Variants in ANK1 observed in about 807,000 individuals in gnomAD.
ANK1 encodes ankyrin 1, also known as ankyrin-1.
ANK1 carries 51 observed loss-of-function variants against 210.4 expected under a neutral mutation model. That is an observed-to-expected ratio of 0.24 (90% CI 0.19 to 0.31). The LOEUF (loss-of-function observed/expected upper bound fraction) is 0.31. ANK1 is among the 10% of genes least tolerant of loss of function. The pLI is 1.00. For missense variants in ANK1, 2,051 were observed against 2,504.4 expected (o/e 0.82, Z 3.86); for synonymous variants, 967 against 1,025.9 (o/e 0.94, Z 1.10).
chr8:41,723,251 A>G (rs867036533), intron 8 of ANK1, 28 bp from the exon 9 acceptor site: 1 of 1,611,858 alleles, frequency 6.2e-7, no homozygotes, highest in South Asian at 1.1e-5. Context: ...AAAAACAGAA[A>G]GCCCAAAAGG....
chr8:41,748,952 A>G (rs145450557), intron 2 of ANK1, among the ~76,000 whole-genome samples: 7,622 of 151,934 alleles, frequency 0.05, 218 homozygotes, highest in South Asian at 0.077. Flanking sequence ...GGAGAATGGC[A>G]TGAACCTGGG....
At chr8:41,723,696 A>T (rs1156330013) in intron 7 of ANK1, 63 bp from the exon 8 acceptor site, 5 of 1,477,568 alleles carry the variant, frequency 3.4e-6, no homozygotes, top group Non-Finnish European at 4.7e-6. Context: ...GCTGCTGTGC[A>T]CCCGCTCCCC....
At chr8:41,681,499 C>T (rs1269318215) in intron 37 of ANK1, among the ~76,000 whole-genome samples, 2 of 152,244 alleles carry the variant, frequency 1.3e-5, no homozygotes, top group African/African-American at 2.4e-5. Flanking sequence ...GAGAGACAGC[C>T]TCAGGCTTCT....
At chr8:41,762,209 T>C (rs1423914101) in intron 1 of ANK1, among the ~76,000 whole-genome samples, 1 of 152,054 alleles carries the variant, frequency 6.6e-6, no homozygotes, top group East Asian at 1.9e-4. Context: ...TGCACCTTCC[T>C]CCTCCCTGGG....
intron 2 of ANK1, among the ~76,000 whole-genome samples, chr8:41,744,830 C>T (rs1285539045): frequency 3.3e-5 from 5 of 152,254 alleles, no homozygotes; most frequent in Admixed American, 6.5e-5. Context: ...CCTCCGCGCC[C>T]GATGGGAGCA....
intron 30 of ANK1, 34 bp downstream of exon 30, chr8:41,693,071 C>T: frequency 6.4e-7 from 1 of 1,568,718 alleles, no homozygotes; most frequent in African/African-American, 1.4e-5. Context: ...GAGGACGGCC[C>T]ACACAATACT....
intron 1 of ANK1, chr8:41,829,558 C>T (rs1806189372): frequency 1.3e-5 from 2 of 152,214 alleles, no homozygotes; most frequent in Admixed American, 1.3e-4. Flanking sequence ...CTGGTATTTA[C>T]AAATTAGATT....
intron 1 of ANK1, among the ~76,000 whole-genome samples, chr8:41,812,584 A>G (rs1802655838): frequency 6.6e-6 from 1 of 152,226 alleles, no homozygotes; most frequent in Non-Finnish European, 1.5e-5. Context: ...TTTCCTTGAC[A>G]AAAAGACAGC....
intron 9 of ANK1, among the ~76,000 whole-genome samples, chr8:41,720,069 T>C (rs1828859953): frequency 6.6e-6 from 1 of 152,186 alleles, no homozygotes; most frequent in Admixed American, 6.5e-5. Flanking sequence ...TTCAAAGCCA[T>C]GTCCAGCAGA....
chr8:41,831,952 G>A (rs1391169866), intron 1 of ANK1, among the ~76,000 whole-genome samples: 1 of 152,148 alleles, frequency 6.6e-6, no homozygotes, highest in Non-Finnish European at 1.5e-5. Flanking sequence ...CCATTTAGGA[G>A]ACAATTGGGA....
intron 35 of ANK1, among the ~76,000 whole-genome samples, chr8:41,687,872 T>C (rs1389999415): frequency 6.6e-6 from 1 of 152,214 alleles, no homozygotes; most frequent in African/African-American, 2.4e-5. Context: ...GCGAAATATG[T>C]TGAGACTTGC....
intron 7 of ANK1, among the ~76,000 whole-genome samples, 176 bp downstream of exon 7, chr8:41,724,280 G>A (rs931347492): frequency 6.6e-6 from 1 of 152,202 alleles, no homozygotes. Context: ...AGACAAAGCA[G>A]GTGGAAACTG....
intron 1 of ANK1, among the ~76,000 whole-genome samples, chr8:41,805,084 C>CGTGT (rs888671837): frequency 2.2e-5 from 3 of 133,966 alleles, no homozygotes; most frequent in Non-Finnish European, 4.9e-5. Flanking sequence ...GTGTGTGTGT[C>CGTGT]GTGTGTGTGT....
At chr8:41,771,264 A>C (rs1205144335) in intron 1 of ANK1, among the ~76,000 whole-genome samples, 2 of 152,098 alleles carry the variant, frequency 1.3e-5, no homozygotes, top group African/African-American at 4.8e-5. Context: ...GAAAAAAAAA[A>C]CCTCAACATT....
At chr8:41,665,271 G>C (rs1265213164) in intron 39 of ANK1, 4 of 1,495,576 alleles carry the variant, frequency 2.7e-6, no homozygotes. Flanking sequence ...GCTCTGCCCT[G>C]AGTGGCCCGG....
chr8:41,853,186 T>C (rs1388244565), intron 1 of ANK1, among the ~76,000 whole-genome samples: 1 of 152,226 alleles, frequency 6.6e-6, no homozygotes, highest in Non-Finnish European at 1.5e-5. Context: ...GGAACACAAC[T>C]ATTGTCAATT....
intron 2 of ANK1, among the ~76,000 whole-genome samples, chr8:41,752,179 A>C (rs192724393): frequency 1.3e-5 from 2 of 152,000 alleles, no homozygotes; most frequent in African/African-American, 4.8e-5. Flanking sequence ...AGTGTCTCCC[A>C]TCAGCTGACT....
rs768710686 is a variant in ANK1 at position 41,715,754 on chromosome 8, G to A, written c.1500C>T (p.Thr500=). ...LENNANPNLA[T]TAGHTPLHIA... ...TGTGCAGGGGGGTGTGCCCGGCGGTGGTGGCCAGGTTGGGGTTGGCGTTAT... is the reference window on the plus strand; with the variant it reads ...TGTGCAGGGGGGTGTGCCCGGCGGTAGTGGCCAGGTTGGGGTTGGCGTTAT... Residue 500 remains threonine, a synonymous_variant, in exon 14 of 43, where the codon ACC becomes ACT. Coordinates refer to ENST00000289734, the MANE Select transcript of ANK1 (RefSeq NM_000037.4). 1 of 1,614,252 alleles carries A rather than the reference G, an allele frequency of 6.2e-7. No individual in the cohort carries two copies. The highest frequency in any genetic ancestry group is 8.5e-7 in the Non-Finnish European group (1 of 1,180,048).
At position 41,653,271 on chromosome 8, in the gene ANK1, T is replaced by TC. The variant is rs1326850999; in HGVS notation, c.*2518_*2519insG. The TC allele has an allele frequency of 6.6e-6, 1 of 152,614 alleles. No individual in the cohort carries two copies. Among genetic ancestry groups the TC allele is most frequent in the Non-Finnish European group, 1.5e-5 (1 of 68,076 alleles). 9.5% of individuals were successfully genotyped at this position (152,614 alleles called of 1,614,324 possible). A position where few individuals can be genotyped will look rare whatever the true frequency, so the allele number is the denominator to read the frequency against. On this transcript the variant is annotated 3_prime_UTR_variant, in exon 43 of 43. Transcript: ENST00000289734. Reference sequence around the variant, plus strand: ...TTAATTTTGACATTGGTTCGGCTGGTGAAGGGAGAATGGTCTATACATCAG... The same window carrying TC: ...TTAATTTTGACATTGGTTCGGCTGGTCGAAGGGAGAATGGTCTATACATCAG...
Sources: gnomAD v4.1 joint callset for allele counts (sites outside exome capture counted in the v4.1 genomes callset) on GRCh38, gnomAD v4.1.1 for gene constraint, MANE v1.5 for transcripts, NCBI Gene and HGNC (gene_info 2026-07-23, HGNC 2026-07-21) for gene names.